The following ST6GALNAC3 variants were observed in gnomAD, a reference collection of about 807,000 sequenced individuals.
ST6GALNAC3 encodes the protein alpha-N-acetylgalactosaminide alpha-2,6-sialyltransferase 3.
Under a neutral mutation model 32.7 loss-of-function variants are expected in ST6GALNAC3, and 25 were observed. The ratio of observed to expected loss-of-function variants is 0.76; its 90% CI spans 0.56 to 1.07. ST6GALNAC3 has a LOEUF of 1.07. Ranked by LOEUF, ST6GALNAC3 falls within the 50% of genes least tolerant of loss-of-function variation. The pLI is 0.00. For missense variants in ST6GALNAC3, 355 were observed against 382.4 expected (o/e 0.93, Z 0.60); for synonymous variants, 129 against 133.1 (o/e 0.97, Z 0.21).
intron 3 of ST6GALNAC3, among the ~76,000 whole-genome samples, chr1:76,578,629 G>A (rs1646846805): frequency 6.6e-6 from 1 of 151,870 alleles, no homozygotes; most frequent in Non-Finnish European, 1.5e-5. Context: ...TTTTCTCCAG[G>A]CTAAAATAAA....
chr1:76,550,456 A>G (rs1284412424), intron 3 of ST6GALNAC3, among the ~76,000 whole-genome samples: 1 of 152,118 alleles, frequency 6.6e-6, no homozygotes, highest in Non-Finnish European at 1.5e-5. Context: ...GTTTGCATGT[A>G]TGTGTGTGTC....
intron 2 of ST6GALNAC3, among the ~76,000 whole-genome samples, chr1:76,394,743 T>C (rs890419349): frequency 6.6e-6 from 1 of 152,202 alleles, no homozygotes; most frequent in Non-Finnish European, 1.5e-5. Flanking sequence ...TTCTCAATAA[T>C]ATATCCATTC....
chr1:76,561,134 T>A (rs2100428525), intron 3 of ST6GALNAC3, among the ~76,000 whole-genome samples: 1 of 152,306 alleles, frequency 6.6e-6, no homozygotes, highest in Non-Finnish European at 1.5e-5. Flanking sequence ...CACTCATTTG[T>A]GGGATCTAGA....
At chr1:76,370,051 G>A (rs1650694720) in intron 2 of ST6GALNAC3, among the ~76,000 whole-genome samples, 2 of 152,096 alleles carry the variant, frequency 1.3e-5, no homozygotes, top group South Asian at 2.1e-4. Context: ...GTAAAATAAT[G>A]TAGAAAATAT....
At chr1:76,619,945 T>A (rs184481511) in intron 3 of ST6GALNAC3, among the ~76,000 whole-genome samples, 1 of 152,194 alleles carries the variant, frequency 6.6e-6, no homozygotes, top group African/African-American at 2.4e-5. Context: ...ATTATCCTCT[T>A]CAATTCCCTC....
intron 1 of ST6GALNAC3, among the ~76,000 whole-genome samples, chr1:76,184,965 A>G (rs1405698309): frequency 6.6e-6 from 1 of 152,226 alleles, no homozygotes; most frequent in Non-Finnish European, 1.5e-5. Context: ...TGAGAGCAGC[A>G]GGTACCACTC....
At chr1:76,167,886 T>C (rs1390282220) in intron 1 of ST6GALNAC3, among the ~76,000 whole-genome samples, 1 of 152,162 alleles carries the variant, frequency 6.6e-6, no homozygotes, top group Non-Finnish European at 1.5e-5. Flanking sequence ...TTTTCTTCTT[T>C]ATTAGTTTAG....
Position 76,263,262 on chromosome 1 carries a change from C to T in ST6GALNAC3, c.19-50543C>T, listed in dbSNP as rs910688509. Among the ~76,000 whole-genome samples, 3 of 152,162 alleles carry T rather than the reference C, an allele frequency of 2.0e-5. No individual in the cohort carries two copies. In the East Asian group the frequency reaches 5.8e-4, roughly 29 times the overall value. ...AGCATGGGATGGTCCTTGTAAGATACTATGTTGGTTAAATGGGCCCACGCA... is the reference window on the plus strand; with the variant it reads ...AGCATGGGATGGTCCTTGTAAGATATTATGTTGGTTAAATGGGCCCACGCA... On this transcript the variant is annotated intron_variant, in intron 1 of 4. Transcript: ENST00000328299.
At chr1:76,404,675 G>A (rs1009418157) in intron 2 of ST6GALNAC3, among the ~76,000 whole-genome samples, 2 of 152,056 alleles carry the variant, frequency 1.3e-5, no homozygotes, top group East Asian at 1.9e-4. Flanking sequence ...TGAAGAGTGC[G>A]TCTCTGGAGC....
intron 3 of ST6GALNAC3, among the ~76,000 whole-genome samples, chr1:76,613,484 A>T (rs891906761): frequency 6.6e-6 from 1 of 152,178 alleles, no homozygotes; most frequent in Non-Finnish European, 1.5e-5. Flanking sequence ...TTAAGACCCA[A>T]CTCTGGATGT....
chr1:76,143,809 T>C (rs1246138834), intron 1 of ST6GALNAC3, among the ~76,000 whole-genome samples: 1 of 152,092 alleles, frequency 6.6e-6, no homozygotes, highest in Non-Finnish European at 1.5e-5. Context: ...TCTGAAAATA[T>C]GATAGGGGCT....
intron 1 of ST6GALNAC3, among the ~76,000 whole-genome samples, chr1:76,252,656 A>C (rs941364581): frequency 2.6e-5 from 4 of 152,206 alleles, no homozygotes; most frequent in Middle Eastern, 3.4e-3. Flanking sequence ...AGTTGTACAC[A>C]CTGACATTTT....
chr1:76,494,550 AACACAC>A (rs55892265), intron 3 of ST6GALNAC3, among the ~76,000 whole-genome samples: 17,899 of 63,392 alleles, frequency 0.28, 2,571 homozygotes, highest in South Asian at 0.47. Flanking sequence ...CATGTGTATA[AACACAC>A]ACACACACAC....
rs2082916 is a variant in ST6GALNAC3, at chr1:76,507,654, A to G, written c.623+95237A>G. ...TACTCTGTCATATTATGGAAATACC[A>G]CAGTTCATTTATCCACTCATCCTCT... On this transcript the variant is annotated intron_variant, in intron 3 of 4. Coordinates refer to ENST00000328299, the MANE Select transcript of ST6GALNAC3 (RefSeq NM_152996.4). Among the ~76,000 whole-genome samples the G allele has an allele frequency of 4.1e-3, 619 of 152,366 alleles. 3 individuals are homozygous for G. The highest frequency in any genetic ancestry group is 0.01 in the Middle Eastern group (3 of 294).
Position 76,412,445 on chromosome 1 carries a change from G to T in ST6GALNAC3, c.623+28G>T, listed in dbSNP as rs751601849. 2.3e-5 allele frequency: 36 copies of T among 1,552,454 alleles called. No individual in the cohort carries two copies. The African/African-American group carries it at 4.7e-4, about 20-fold the overall frequency. On this transcript the variant is annotated intron_variant, in intron 3 of 4. Transcript: ENST00000328299. Reference sequence around the variant, plus strand: ...GAGCCCTCTCTGAAGCAGCTTTATTGTCTTTTATTATCTTTTATGCTAAAT... The same window carrying T: ...GAGCCCTCTCTGAAGCAGCTTTATTTTCTTTTATTATCTTTTATGCTAAAT...
chr1:76,258,169 A>G (rs1658024086), intron 1 of ST6GALNAC3, among the ~76,000 whole-genome samples: 1 of 152,204 alleles, frequency 6.6e-6, no homozygotes, highest in Non-Finnish European at 1.5e-5. Flanking sequence ...ATGTAATCTA[A>G]AGTGTTTTTC....
At chr1:76,210,524 T>A (rs1196345520) in intron 1 of ST6GALNAC3, among the ~76,000 whole-genome samples, 1 of 152,204 alleles carries the variant, frequency 6.6e-6, no homozygotes, top group Admixed American at 6.5e-5. Flanking sequence ...TCCACCCTTA[T>A]ATTAATCTGG....
chr1:76,458,220 A>C (rs1249159591), intron 3 of ST6GALNAC3, among the ~76,000 whole-genome samples: 2 of 45,702 alleles, frequency 4.4e-5, no homozygotes, highest in Non-Finnish European at 4.0e-5. Flanking sequence ...GCAATCATTA[A>C]AAAGTCAGGA....
intron 1 of ST6GALNAC3, among the ~76,000 whole-genome samples, chr1:76,298,099 A>T (rs11581772): frequency 1.3e-5 from 2 of 152,060 alleles, no homozygotes; most frequent in Admixed American, 1.3e-4. Context: ...GGCTGGAGGA[A>T]CAGTCAGAGG....
Sources: allele counts gnomAD v4.1 joint callset (sites outside exome capture counted in the v4.1 genomes callset), GRCh38; gene constraint gnomAD v4.1.1; transcripts MANE v1.5; gene names NCBI Gene and HGNC (gene_info 2026-07-23, HGNC 2026-07-21).